The following KCNN1 variants were observed in gnomAD, a reference collection of about 807,000 sequenced individuals.
The protein encoded by KCNN1 is potassium calcium-activated channel subfamily N member 1.
In KCNN1, 20 loss-of-function variants were observed where a neutral mutation model predicts 44.7. The ratio of observed to expected loss-of-function variants is 0.45; its 90% CI spans 0.32 to 0.65. The LOEUF (loss-of-function observed/expected upper bound fraction) is 0.65. Among genes scored for constraint, KCNN1 ranks in the 30% least tolerant of loss-of-function variants. KCNN1 has a pLI of 0.05. For missense variants in KCNN1, 632 were observed against 785.3 expected (o/e 0.80, Z 2.33); for synonymous variants, 324 against 341.7 (o/e 0.95, Z 0.57).
Position 17,959,000 on chromosome 19 carries a change from CTATTTATTTATTTATT to C in KCNN1, c.-82+4337_-82+4352del, listed in dbSNP as rs35942195. On this transcript the variant is annotated intron_variant, in intron 2 of 10. Transcript: ENST00000222249. ...CAGGCGTGAGCCACCACGTCCAGCC[CTATTTATTTATTTATT>C]TATTTATTTATTTATTTTGGAGACG... Among the ~76,000 whole-genome samples the C allele has an allele frequency of 2.0e-3, 282 of 143,508 alleles. 3 individuals carry two copies. Among genetic ancestry groups the C allele is most frequent in the African/African-American group, 6.9e-3 (266 of 38,454 alleles). The allele number at this position is 143,508 out of a possible 152,430, so 94.1% of individuals were successfully genotyped here. A position where few individuals can be genotyped will look rare whatever the true frequency, so the allele number is the denominator to read the frequency against.
Position 17,973,909 on chromosome 19 carries a change from T to C in KCNN1, c.21T>C (p.Asn7=). 1 of 1,554,330 alleles carries C rather than the reference T, an allele frequency of 6.4e-7. No homozygotes were observed. Among genetic ancestry groups the C allele is most frequent in the Non-Finnish European group, 8.7e-7 (1 of 1,151,212 alleles). Residue 7 remains asparagine (N), a synonymous_variant, in exon 2 of 10, where the codon AAT becomes AAC. Coordinates refer to ENST00000684775, the MANE Select transcript of KCNN1 (RefSeq NM_001386974.1). ...TAGTCATGAACAGCCACAGCTACAATGGCAGCGTGGGGCGGCCGCTGGGCA... is the reference window on the plus strand; with the variant it reads ...TAGTCATGAACAGCCACAGCTACAACGGCAGCGTGGGGCGGCCGCTGGGCA... MNSHSY[N]GSVGRPLGSG...
chr19:17,990,036 G>C (rs2032734112), intron 7 of KCNN1, 193 bp downstream of exon 7: 1 of 738,864 alleles, frequency 1.4e-6, no homozygotes, highest in Non-Finnish European at 2.4e-6. Context: ...CTAAATCATG[G>C]ACACGACTCA....
chr19:17,979,855 G>A (rs1311258463), intron 3 of KCNN1, among the ~76,000 whole-genome samples: 1 of 151,308 alleles, frequency 6.6e-6, no homozygotes, highest in Non-Finnish European at 1.5e-5. Flanking sequence ...AAAATGACAC[G>A]TGAAAAAGGA....
rs900358833 is a variant in KCNN1 at position 17,982,458 on chromosome 19, CG to C, written c.917+337del. 28 of 745,832 alleles carry C rather than the reference CG, an allele frequency of 3.8e-5. No homozygotes were observed. In the East Asian group the frequency reaches 2.5e-3, roughly 66 times the overall value. 46.2% of individuals were successfully genotyped at this position (745,832 alleles called of 1,614,324 possible). On this transcript the variant is annotated intron_variant, in intron 4 of 9. Transcript: ENST00000684775. Reference sequence around the variant, plus strand: ...GAGGCTGACTCCCGATCTCTGGCCCCGGGGGGCGCAGGCAGCAGGCACAGGG... The same window carrying C: ...GAGGCTGACTCCCGATCTCTGGCCCCGGGGGCGCAGGCAGCAGGCACAGGG...
chr19:17,985,331 G>C lies in KCNN1; in HGVS notation c.937G>C (p.Val313Leu). 6.2e-7 allele frequency: 1 copy of C among 1,606,026 alleles called. No individual in the cohort carries two copies. Among genetic ancestry groups the C allele is most frequent in the Non-Finnish European group, 8.5e-7 (1 of 1,175,336 alleles). The change falls in exon 5 of 10, where the codon GTG (valine) becomes CTG (leucine). Residue 313 changes from valine to leucine, a missense_variant. Transcript: ENST00000684775. ...VCERYHDKQE[V>L]TSNFLGAMWL... Reference sequence around the variant, plus strand: ...CCCCAGGTACCACGACAAGCAGGAAGTGACCAGCAACTTCCTGGGGGCCAT... The same window carrying C: ...CCCCAGGTACCACGACAAGCAGGAACTGACCAGCAACTTCCTGGGGGCCAT...
intron 2 of KCNN1, among the ~76,000 whole-genome samples, chr19:17,957,753 G>A (rs903208018): frequency 1.3e-5 from 2 of 152,120 alleles, no homozygotes; most frequent in African/African-American, 4.8e-5. Context: ...GAGCAATGGG[G>A]AACCATGGCA....
intron 2 of KCNN1, among the ~76,000 whole-genome samples, chr19:17,961,963 C>G (rs2031692694): frequency 6.6e-6 from 1 of 152,222 alleles, no homozygotes; most frequent in African/African-American, 2.4e-5. Context: ...CGATTCAAAC[C>G]AGTCCACCTG....
intron 2 of KCNN1, among the ~76,000 whole-genome samples, chr19:17,955,669 G>A (rs1349776126): frequency 6.6e-6 from 1 of 151,440 alleles, no homozygotes; most frequent in Non-Finnish European, 1.5e-5. Flanking sequence ...TAGAGCCTCC[G>A]GGGAGTTACT....
At chr19:17,954,978 C>T (rs1288975479) in intron 2 of KCNN1, among the ~76,000 whole-genome samples, 7 of 149,014 alleles carry the variant, frequency 4.7e-5, no homozygotes, top group Non-Finnish European at 8.9e-5. Context: ...GCAGAGGTTG[C>T]AGTGAGCCAA....
In KCNN1 at chr19:17,967,150, A is replaced by T. The variant is rs1278215460; in HGVS notation, c.-249A>T. 1 of 962,288 alleles carries T rather than the reference A, an allele frequency of 1.0e-6. No homozygotes were observed. The highest frequency in any genetic ancestry group is 1.2e-4 in the East Asian group (1 of 8,536). 59.6% of individuals were successfully genotyped at this position (962,288 alleles called of 1,614,324 possible). A position where few individuals can be genotyped will look rare whatever the true frequency, so the allele number is the denominator to read the frequency against. ...GGGCCCGTGGACTGGGCGGCGGGGG[A>T]TGCGCCTGCCGCCGCCGCCCCCGGC... is the stretch of plus-strand genomic sequence containing the variant. On this transcript the variant is annotated 5_prime_UTR_variant, in exon 1 of 10. The change abolishes an upstream ATG in the 5' untranslated region. Transcript: ENST00000684775.
chr19:17,969,426 C>A (rs1230945526), intron 1 of KCNN1, among the ~76,000 whole-genome samples: 4 of 152,158 alleles, frequency 2.6e-5, no homozygotes, highest in Admixed American at 2.0e-4. Context: ...AATGTGATCA[C>A]CCTGATCTCA....
intron 3 of KCNN1, among the ~76,000 whole-genome samples, chr19:17,975,946 C>T (rs1394828359): frequency 6.6e-6 from 1 of 152,170 alleles, no homozygotes; most frequent in Non-Finnish European, 1.5e-5. Context: ...CTCAAGTGAT[C>T]GGCCCACCTC....
At chr19:17,964,236 C>T (rs181199061), upstream of KCNN1, among the ~76,000 whole-genome samples, 292 of 152,354 alleles carry the variant, frequency 1.9e-3, 1 homozygote, top group Non-Finnish European at 3.2e-3. The surrounding 1 kb of genome is among the most constrained non-coding windows in gnomAD (Gnocchi z 4.3). Flanking sequence ...TCCGGGCAGT[C>T]CGGGCTGGGT....
At chr19:17,969,506 A>T (rs1599352184) in intron 1 of KCNN1, among the ~76,000 whole-genome samples, 1 of 146,130 alleles carries the variant, frequency 6.8e-6, no homozygotes, top group African/African-American at 2.5e-5. Flanking sequence ...CCACCCCTCC[A>T]CCCCTCCACC....
rs143271257 is a variant in KCNN1 at position 17,994,007 on chromosome 19, T to C, written c.1377+448T>C. Among the ~76,000 whole-genome samples the C allele has an allele frequency of 1.1e-3, 172 of 152,300 alleles. 2 individuals are homozygous for C. The East Asian group carries it at 0.026, about 23-fold the overall frequency. On this transcript the variant is annotated intron_variant, in intron 9 of 9. Transcript: ENST00000684775. Reference sequence around the variant, plus strand: ...GAAGAGGTATTTCTAGATTTAGGCATACCACCTCAATTCAAGATCTGAAAT... The same window carrying C: ...GAAGAGGTATTTCTAGATTTAGGCACACCACCTCAATTCAAGATCTGAAAT...
chr19:17,981,834 G>C lies in KCNN1; in HGVS notation c.624G>C (p.Thr208=). Residue 208 remains threonine (T), a synonymous_variant, in exon 4 of 10, where the codon ACG becomes ACC. Coordinates refer to ENST00000684775, the MANE Select transcript of KCNN1 (RefSeq NM_001386974.1). ...IHPVPGHYRF[T]WTARLAFTYA... ...CGGTGCCCGGCCACTACCGCTTCAC[G>C]TGGACGGCGCGGCTGGCCTTCACGT... 6.2e-7 allele frequency: 1 copy of C among 1,613,064 alleles called. No individual in the cohort carries two copies. Among genetic ancestry groups the C allele is most frequent in the Non-Finnish European group, 8.5e-7 (1 of 1,179,474 alleles).
At chr19:17,985,757 C>A (rs1568457162) in intron 5 of KCNN1, among the ~76,000 whole-genome samples, 1 of 152,232 alleles carries the variant, frequency 6.6e-6, no homozygotes, top group Admixed American at 6.5e-5. Flanking sequence ...GTCACTGTCA[C>A]CCCTTTATTC....
intron 3 of KCNN1, 89 bp downstream of exon 3, chr19:17,975,276 A>AGGGGATGTATAATTGG: frequency 1.2e-6 from 1 of 866,084 alleles, no homozygotes; most frequent in Non-Finnish European, 1.9e-6. Context: ...TCCCCTCAAA[A>AGGGGATGTATAATTGG]CATAAAAGGA....
chr19:17,998,562 G>C lies in KCNN1; in HGVS notation c.*156G>C. On this transcript the variant is annotated 3_prime_UTR_variant, in exon 10 of 10. Transcript: ENST00000684775. The surrounding 1 kb of genome is among the most constrained non-coding windows in gnomAD (Gnocchi z 5.4). ...GCCCCGCCCAGACTGCCCAGGCAGA[G>C]GGCAGGGCTGGACCATGGGTGAGGG... 1 of 777,258 alleles carries C rather than the reference G, an allele frequency of 1.3e-6. No homozygotes were observed. The highest frequency in any genetic ancestry group is 1.9e-6 in the Non-Finnish European group (1 of 515,084). The allele number at this position is 777,258 out of a possible 1,614,324, so 48.1% of individuals were successfully genotyped here. A position where few individuals can be genotyped will look rare whatever the true frequency, so the allele number is the denominator to read the frequency against.
Sources: allele counts gnomAD v4.1 joint callset (sites outside exome capture counted in the v4.1 genomes callset), GRCh38; gene constraint gnomAD v4.1.1; non-coding constraint Gnocchi (gnomAD v3.1); transcripts MANE v1.5; gene names NCBI Gene and HGNC (gene_info 2026-07-23, HGNC 2026-07-21).